The following NDUFAF2 variants were observed in gnomAD, a reference collection of about 807,000 sequenced individuals.
The protein encoded by NDUFAF2 is NADH dehydrogenase [ubiquinone] 1 alpha subcomplex assembly factor 2.
A neutral mutation model predicts 22.8 loss-of-function variants in NDUFAF2; 13 were observed. The observed-to-expected ratio is 0.57, with a 90% CI of 0.37 to 0.91. The LOEUF (loss-of-function observed/expected upper bound fraction) is 0.91, where lower values mean the gene tolerates loss of function less well. NDUFAF2 is among the 40% of genes least tolerant of loss of function. The pLI, the probability that NDUFAF2 is intolerant of heterozygous loss-of-function variation, is 0.01. For missense variants in NDUFAF2, 162 were observed against 195.2 expected, an observed-to-expected ratio of 0.83 and a Z score of 1.01; for synonymous variants, 53 against 64.2, an observed-to-expected ratio of 0.83 and a Z score of 0.84.
At chr5:60,945,567 C>T (rs1469837636) in intron 1 of NDUFAF2, 185 bp downstream of exon 1, 10 of 896,186 alleles carry the variant, frequency 1.1e-5, no homozygotes, top group East Asian at 2.6e-5. Context: ...CTACCCGGCC[C>T]GGCTCTGGGC....
chr5:61,081,335 T>TTTA (rs1752440417), intron 2 of NDUFAF2, among the ~76,000 whole-genome samples: 1 of 152,312 alleles, frequency 6.6e-6, no homozygotes, highest in South Asian at 2.1e-4. Context: ...ATATGTGCAG[T>TTTA]TTATTGTACA....
intron 1 of NDUFAF2, among the ~76,000 whole-genome samples, chr5:61,035,018 T>C (rs1009700873): frequency 2.0e-5 from 3 of 151,594 alleles, no homozygotes; most frequent in African/African-American, 7.3e-5. Flanking sequence ...AGCTAAAACA[T>C]TGGGAGCATA....
chr5:61,097,818 C>T (rs1034328519), intron 2 of NDUFAF2, among the ~76,000 whole-genome samples: 8 of 152,220 alleles, frequency 5.3e-5, no homozygotes, highest in Non-Finnish European at 2.9e-5. Flanking sequence ...CTTAGTTGAG[C>T]GTGGATGGTT....
intron 1 of NDUFAF2, among the ~76,000 whole-genome samples, chr5:60,962,659 C>T (rs1330642651): frequency 6.6e-6 from 1 of 151,744 alleles, no homozygotes; most frequent in Non-Finnish European, 1.5e-5. Flanking sequence ...GGTGAAACCC[C>T]ATCTCTACTA....
chr5:61,027,638 A>G (rs946958767), intron 1 of NDUFAF2, among the ~76,000 whole-genome samples: 1 of 151,950 alleles, frequency 6.6e-6, no homozygotes, highest in Non-Finnish European at 1.5e-5. Context: ...TAGGTCATTC[A>G]TGTAATCCAG....
chr5:61,018,820 G>T (rs554640637), intron 1 of NDUFAF2, among the ~76,000 whole-genome samples: 88 of 152,150 alleles, frequency 5.8e-4, no homozygotes, highest in African/African-American at 2.0e-3. Context: ...TGATTCCATA[G>T]GCTTATGGAT....
At chr5:61,095,420 G>C (rs1157499991) in intron 2 of NDUFAF2, among the ~76,000 whole-genome samples, 1 of 152,224 alleles carries the variant, frequency 6.6e-6, no homozygotes, top group Non-Finnish European at 1.5e-5. Flanking sequence ...GTTGCCAGTG[G>C]TTGGCTGGAA....
chr5:60,968,684 C>G (rs1341553775), intron 1 of NDUFAF2, among the ~76,000 whole-genome samples: 4 of 151,988 alleles, frequency 2.6e-5, no homozygotes, highest in Admixed American at 6.6e-5. Flanking sequence ...TTCATCACCT[C>G]AAGCATTCAT....
intron 1 of NDUFAF2, among the ~76,000 whole-genome samples, chr5:60,958,557 T>C (rs945147770): frequency 2.6e-5 from 4 of 152,166 alleles, no homozygotes; most frequent in Non-Finnish European, 5.9e-5. Context: ...ATCCTCATTT[T>C]AAATATGAAG....
At chr5:61,045,097 G>A (rs12514973) in intron 1 of NDUFAF2, among the ~76,000 whole-genome samples, 5,723 of 41,836 alleles carry the variant, frequency 0.14, 519 homozygotes, top group East Asian at 0.34. Flanking sequence ...ATAAAATAAA[G>A]TTTTATTAAA....
At chr5:60,964,223 C>T (rs1007602352) in intron 1 of NDUFAF2, among the ~76,000 whole-genome samples, 2 of 152,022 alleles carry the variant, frequency 1.3e-5, no homozygotes, top group African/African-American at 4.8e-5. Flanking sequence ...CCCAAATCAA[C>T]CAAATGTTAC....
chr5:61,013,071 A>G (rs1281873301), intron 1 of NDUFAF2, among the ~76,000 whole-genome samples: 2 of 152,142 alleles, frequency 1.3e-5, no homozygotes, highest in Non-Finnish European at 2.9e-5. Flanking sequence ...TTGGAATAAA[A>G]AAAAATTATC....
At chr5:60,982,791 G>A (rs1442790849) in intron 1 of NDUFAF2, among the ~76,000 whole-genome samples, 3 of 151,940 alleles carry the variant, frequency 2.0e-5, no homozygotes, top group Admixed American at 6.6e-5. Flanking sequence ...TCTTAATCCA[G>A]TCTATCATTG....
chr5:61,142,761 A>G (rs1269194402), intron 3 of NDUFAF2, among the ~76,000 whole-genome samples: 1 of 152,068 alleles, frequency 6.6e-6, no homozygotes, highest in African/African-American at 2.4e-5. Context: ...TCTGTCACTT[A>G]TTTACTCTTT....
chr5:61,076,528 A>C (rs1217427133), intron 2 of NDUFAF2, among the ~76,000 whole-genome samples: 1 of 152,222 alleles, frequency 6.6e-6, no homozygotes, highest in African/African-American at 2.4e-5. Context: ...GATGTTTGAA[A>C]AACAGCAAGG....
At chr5:61,149,036 T>A (rs1741189678) in intron 3 of NDUFAF2, among the ~76,000 whole-genome samples, 1 of 152,162 alleles carries the variant, frequency 6.6e-6, no homozygotes, top group Non-Finnish European at 1.5e-5. Context: ...AGTGGCGTGA[T>A]CTCAGCTCAC....
chr5:60,987,891 T>TC (rs1751103715), intron 1 of NDUFAF2, among the ~76,000 whole-genome samples: 1 of 151,974 alleles, frequency 6.6e-6, no homozygotes, highest in Non-Finnish European at 1.5e-5. Flanking sequence ...CTCCTACCAC[T>TC]CCTATTAAAC....
chr5:61,032,448 G>C (rs1281102522), intron 1 of NDUFAF2, among the ~76,000 whole-genome samples: 2 of 152,132 alleles, frequency 1.3e-5, no homozygotes, highest in Non-Finnish European at 1.5e-5. Context: ...CATATGGCTA[G>C]CCAGTTTTCC....
chr5:61,107,622 T>G (rs1752783567), intron 3 of NDUFAF2, among the ~76,000 whole-genome samples: 1 of 151,246 alleles, frequency 6.6e-6, no homozygotes, highest in African/African-American at 2.5e-5. Context: ...TTGCTTTGAT[T>G]GCCTATGCTT....
Sources: gnomAD v4.1 joint callset for allele counts (sites outside exome capture counted in the v4.1 genomes callset) on GRCh38, gnomAD v4.1.1 for gene constraint, MANE v1.5 for transcripts, NCBI Gene and HGNC (gene_info 2026-07-23, HGNC 2026-07-21) for gene names.